Variants in CNGB3 observed in about 807,000 individuals in gnomAD.
CNGB3 encodes the protein cyclic nucleotide-gated channel beta-3.
Under a neutral mutation model 92.8 loss-of-function variants are expected in CNGB3, and 86 were observed. That is an observed-to-expected ratio of 0.93 (90% CI 0.78 to 1.11). The LOEUF is 1.11. Ranked by LOEUF, CNGB3 falls within the 50% of genes least tolerant of loss-of-function variation. The pLI is 0.00. For missense variants in CNGB3, 1,026 were observed against 956.8 expected, an observed-to-expected ratio of 1.07 and a Z score of -0.95; for synonymous variants, 333 against 332.7, an observed-to-expected ratio of 1.00 and a Z score of -0.01.
At chr8:86,732,008 A>C (rs1727165615) in intron 2 of CNGB3, among the ~76,000 whole-genome samples, 1 of 152,340 alleles carries the variant, frequency 6.6e-6, no homozygotes, top group South Asian at 2.1e-4. Flanking sequence ...AGAAGCCTAA[A>C]AGCACAGAGT....
At chr8:86,619,759 G>C (rs1450017679) in intron 13 of CNGB3, among the ~76,000 whole-genome samples, 1 of 123,732 alleles carries the variant, frequency 8.1e-6, no homozygotes, top group Non-Finnish European at 1.6e-5. Flanking sequence ...TTTGCGACAG[G>C]GTCTTGCTCT....
chr8:86,580,203 G>T (rs1020057352), intron 15 of CNGB3, among the ~76,000 whole-genome samples: 1 of 149,434 alleles, frequency 6.7e-6, no homozygotes, highest in Non-Finnish European at 1.5e-5. Context: ...GGGGGGTGGC[G>T]GGGGGAACTG....
At chr8:86,588,898 G>A (rs1008000989) in intron 15 of CNGB3, among the ~76,000 whole-genome samples, 3 of 151,338 alleles carry the variant, frequency 2.0e-5, no homozygotes, top group Non-Finnish European at 3.0e-5. Flanking sequence ...GATTGGAATA[G>A]TTTCAGAAGG....
At position 86,614,961 on chromosome 8, in the gene CNGB3, C is replaced by T. The variant is rs1822588464; in HGVS notation, c.1579-3290G>A. ...GCCTCCGTATCCATGGATTCCACCT[C>T]CACGGGTTCAAACAACTGTGGATGG... On this transcript the variant is annotated intron_variant, in intron 13 of 17. Transcript: ENST00000320005. Among the ~76,000 whole-genome samples, 5 of 152,258 alleles carry T rather than the reference C, an allele frequency of 3.3e-5. No individual in the cohort carries two copies. In the South Asian group the frequency reaches 8.3e-4, roughly 25 times the overall value.
chr8:86,584,873 G>A (rs890903329), intron 15 of CNGB3, among the ~76,000 whole-genome samples: 2 of 152,124 alleles, frequency 1.3e-5, no homozygotes, highest in African/African-American at 4.8e-5. Flanking sequence ...TTTATTAAGT[G>A]CCTACCATGT....
intron 3 of CNGB3, among the ~76,000 whole-genome samples, chr8:86,709,620 A>C (rs1824712334): frequency 6.6e-6 from 1 of 152,222 alleles, no homozygotes; most frequent in Non-Finnish European, 1.5e-5. Context: ...CGGAATTATT[A>C]GACATTTAAG....
intron 11 of CNGB3, 28 bp from the exon 12 acceptor site, chr8:86,629,106 G>A (rs780073743): frequency 2.4e-5 from 39 of 1,613,216 alleles, no homozygotes; most frequent in Admixed American, 6.7e-5. Flanking sequence ...GTCACTCCAC[G>A]CCCAGCAGAG....
Position 86,696,195 on chromosome 8 carries a change from G to C in CNGB3, c.339-25097C>G, listed in dbSNP as rs188958929. ...CTGATTAGCCAGGGCGTTGCAGGCAGTGGAGTTATCTATTGTTTTCTCCTT... is the reference window on the plus strand; with the variant it reads ...CTGATTAGCCAGGGCGTTGCAGGCACTGGAGTTATCTATTGTTTTCTCCTT... On this transcript the variant is annotated intron_variant, in intron 3 of 17. Coordinates refer to ENST00000320005, the MANE Select transcript of CNGB3 (RefSeq NM_019098.5). Among the ~76,000 whole-genome samples the C allele has an allele frequency of 6.1e-3, 929 of 152,302 alleles. 7 individuals are homozygous for C. Among genetic ancestry groups the C allele is most frequent in the Middle Eastern group, 0.02 (6 of 294 alleles).
chr8:86,599,223 T>C (rs1371258665), intron 15 of CNGB3, among the ~76,000 whole-genome samples: 2 of 152,272 alleles, frequency 1.3e-5, no homozygotes, highest in Non-Finnish European at 2.9e-5. Flanking sequence ...GAAGATTTCA[T>C]GGACACTTAT....
Position 86,629,031 on chromosome 8 carries a change from G to A in CNGB3, c.1368C>T (p.Arg456=), listed in dbSNP as rs141934736. ...AGGCAATGGTGTCATCCATGCAGGCGCGGAAGTAGTTCTGATTGGCTGTAG... is the reference window on the plus strand; with the variant it reads ...AGGCAATGGTGTCATCCATGCAGGCACGGAAGTAGTTCTGATTGGCTGTAG... The part of the protein sequence containing the change: ...GAATANQNYF[R]ACMDDTIAYM... Residue 456 remains arginine, a synonymous_variant, in exon 12 of 18, where the codon CGC becomes CGT. Transcript: ENST00000320005. The A allele has an allele frequency of 3.3e-4, 532 of 1,614,010 alleles. No individual in the cohort carries two copies. The highest frequency in any genetic ancestry group is 2.4e-4 in the Non-Finnish European group (287 of 1,179,946).
chr8:86,662,308 C>T (rs1823657524), intron 6 of CNGB3, among the ~76,000 whole-genome samples: 1 of 152,188 alleles, frequency 6.6e-6, no homozygotes, highest in Non-Finnish European at 1.5e-5. Flanking sequence ...CTGAGATTAT[C>T]ATTCATTCAC....
intron 13 of CNGB3, among the ~76,000 whole-genome samples, chr8:86,615,326 C>T (rs370104359): frequency 1.3e-3 from 202 of 152,180 alleles, no homozygotes; most frequent in African/African-American, 4.6e-3. Flanking sequence ...ACAGATCGGC[C>T]GGGTGTGGTG....
chr8:86,727,259 T>C (rs1214938269), intron 2 of CNGB3, among the ~76,000 whole-genome samples: 2 of 152,204 alleles, frequency 1.3e-5, no homozygotes, highest in African/African-American at 2.4e-5. Context: ...CTTTTTGATA[T>C]TGACAAAGCT....
chr8:86,580,213 GC>G (rs1821737591), intron 15 of CNGB3, among the ~76,000 whole-genome samples: 2 of 151,620 alleles, frequency 1.3e-5, no homozygotes, highest in Non-Finnish European at 1.5e-5. Flanking sequence ...GGGGGGAACT[GC>G]CCTCATGATC....
chr8:86,668,522 G>A (rs79117218), intron 4 of CNGB3, among the ~76,000 whole-genome samples: 2,231 of 152,138 alleles, frequency 0.015, 51 homozygotes, highest in African/African-American at 0.051. Context: ...AAGTCGGAAC[G>A]TTTATGAATC....
chr8:86,627,723 A>G (rs2131581773), intron 12 of CNGB3, among the ~76,000 whole-genome samples: 1 of 152,346 alleles, frequency 6.6e-6, no homozygotes, highest in East Asian at 1.9e-4. Flanking sequence ...TGTAGACACC[A>G]TTAATTATTT....
At chr8:86,701,814 C>T (rs1824562946) in intron 3 of CNGB3, among the ~76,000 whole-genome samples, 1 of 151,896 alleles carries the variant, frequency 6.6e-6, no homozygotes. Flanking sequence ...ACGAATTTTA[C>T]CATTTAAGAC....
intron 6 of CNGB3, among the ~76,000 whole-genome samples, chr8:86,664,251 T>C (rs1392159774): frequency 2.6e-5 from 4 of 152,262 alleles, no homozygotes; most frequent in Non-Finnish European, 5.9e-5. Context: ...ATGACAATTA[T>C]TTTAAGGAAG....
chr8:86,685,444 A>T (rs993691681), intron 3 of CNGB3, among the ~76,000 whole-genome samples: 1 of 152,126 alleles, frequency 6.6e-6, no homozygotes, highest in Non-Finnish European at 1.5e-5. Context: ...ACATTGTTTC[A>T]TAAGAGGAGT....
Sources: gnomAD v4.1 joint callset for allele counts (sites outside exome capture counted in the v4.1 genomes callset) on GRCh38, gnomAD v4.1.1 for gene constraint, MANE v1.5 for transcripts, NCBI Gene and HGNC (gene_info 2026-07-23, HGNC 2026-07-21) for gene names.